Variants in MCTP2 observed in about 807,000 individuals in gnomAD.
The protein encoded by MCTP2 is multiple C2 and transmembrane domain containing 2.
Under a neutral mutation model 111.6 loss-of-function variants are expected in MCTP2, and 132 were observed. The observed-to-expected ratio is 1.18, with a 90% CI of 1.03 to 1.37. The LOEUF (loss-of-function observed/expected upper bound fraction) is 1.37, where lower values mean the gene tolerates loss of function less well. MCTP2 is among the 40% of genes most tolerant of loss of function. The pLI is 0.00. For missense variants in MCTP2, 1,183 were observed against 1,067.9 expected, an observed-to-expected ratio of 1.11 and a Z score of -1.50; for synonymous variants, 395 against 387.7, an observed-to-expected ratio of 1.02 and a Z score of -0.22.
chr15:94,411,953 G>A (rs1004703104), intron 17 of MCTP2, among the ~76,000 whole-genome samples: 3 of 151,936 alleles, frequency 2.0e-5, no homozygotes, highest in Middle Eastern at 6.3e-3. Flanking sequence ...TCATTGTCTG[G>A]GATGCTTCAT....
At chr15:94,404,179 G>GT (rs376761737) in intron 17 of MCTP2, among the ~76,000 whole-genome samples, 1,686 of 151,868 alleles carry the variant, frequency 0.011, 30 homozygotes, top group African/African-American at 0.038. Flanking sequence ...ATTAAAAGTT[G>GT]TTTTTTTATT....
rs555589694 is a variant in MCTP2, at chr15:94,298,339, A to G, written c.74A>G (p.Lys25Arg). Residue 25 changes from lysine to arginine, a missense_variant, in exon 2 of 23, where the codon AAG becomes AGG. Coordinates refer to ENST00000357742, the MANE Select transcript of MCTP2 (RefSeq NM_001385001.1). ...AGGCCATTGTTGATCAACTTGAGCA[A>G]GAAGAAGGTGAAAAAGAACCCAAGT... ...RTRPLLINLS[K>R]KKVKKNPSKP... The G allele has an allele frequency of 6.2e-7, 1 of 1,614,142 alleles. No homozygotes were observed. Among genetic ancestry groups the G allele is most frequent in the African/African-American group, 1.3e-5 (1 of 75,024 alleles).
intron 1 of MCTP2, among the ~76,000 whole-genome samples, chr15:94,245,187 CACAT>C (rs529532628): frequency 5.6e-4 from 81 of 143,488 alleles, no homozygotes; most frequent in African/African-American, 1.9e-3. Context: ...GATTTATACA[CACAT>C]ATGTATGTAT....
chr15:94,353,209 T>G (rs2078409726), intron 8 of MCTP2, among the ~76,000 whole-genome samples: 1 of 152,132 alleles, frequency 6.6e-6, no homozygotes, highest in Admixed American at 6.5e-5. Flanking sequence ...ATAAAAGCTT[T>G]GATGGAAAGT....
intron 14 of MCTP2, among the ~76,000 whole-genome samples, chr15:94,390,997 TG>T (rs2080932288): frequency 6.6e-6 from 1 of 152,178 alleles, no homozygotes; most frequent in African/African-American, 2.4e-5. Context: ...CCCAAAGTGC[TG>T]GGATTACAGG....
At chr15:94,337,832 C>T (rs930061916) in intron 4 of MCTP2, among the ~76,000 whole-genome samples, 3 of 151,816 alleles carry the variant, frequency 2.0e-5, no homozygotes, top group African/African-American at 7.3e-5. Flanking sequence ...AAAGTTAGTA[C>T]GCTTGCAGTA....
At chr15:94,431,553 T>C (rs2083184595) in intron 17 of MCTP2, among the ~76,000 whole-genome samples, 1 of 152,210 alleles carries the variant, frequency 6.6e-6, no homozygotes, top group South Asian at 2.1e-4. Context: ...TGCTTTGGTA[T>C]AGTGATATGT....
rs543545376 is a variant in MCTP2, at chr15:94,380,515, C to T, written c.1583-3507C>T. Among the ~76,000 whole-genome samples the T allele has an allele frequency of 1.2e-4, 18 of 152,258 alleles. No individual in the cohort carries two copies. The South Asian group carries it at 3.7e-3, about 32-fold the overall frequency. ...GGGCATGGTGGCTCATGCCTGTAATCCCAGCACTTTGGGAGGCTGAGGTGG... is the reference window on the plus strand; with the variant it reads ...GGGCATGGTGGCTCATGCCTGTAATTCCAGCACTTTGGGAGGCTGAGGTGG... On this transcript the variant is annotated intron_variant, in intron 12 of 22. Coordinates refer to ENST00000357742, the MANE Select transcript of MCTP2 (RefSeq NM_001385001.1).
intron 10 of MCTP2, among the ~76,000 whole-genome samples, chr15:94,367,402 G>A (rs2079246925): frequency 6.6e-6 from 1 of 151,742 alleles, no homozygotes; most frequent in Non-Finnish European, 1.5e-5. Flanking sequence ...TGATTTTCTG[G>A]ACCTCTTCCT....
intron 1 of MCTP2, among the ~76,000 whole-genome samples, chr15:94,292,244 G>A (rs1208938416): frequency 6.6e-6 from 1 of 151,522 alleles, no homozygotes; most frequent in Non-Finnish European, 1.5e-5. Flanking sequence ...GACTGAGGGG[G>A]AAAAAAAAGA....
intron 14 of MCTP2, among the ~76,000 whole-genome samples, chr15:94,389,918 G>A (rs2080774294): frequency 6.6e-6 from 1 of 151,524 alleles, no homozygotes; most frequent in Non-Finnish European, 1.5e-5. Flanking sequence ...TGTGCTAAGT[G>A]CATTTAAGCC....
chr15:94,294,364 A>T (rs1436367834), intron 1 of MCTP2, among the ~76,000 whole-genome samples: 2 of 152,236 alleles, frequency 1.3e-5, no homozygotes, highest in African/African-American at 4.8e-5. Context: ...ATGATTTCAA[A>T]AATAAAGTTG....
chr15:94,260,422 ACT>A lies in MCTP2; in HGVS notation c.-66+28763_-66+28764del, dbSNP rs1388815242. On this transcript the variant is annotated intron_variant, in intron 1 of 22. Transcript: ENST00000357742. ...CATTCTTTCCAGAGTGACAGTGCCA[ACT>A]CTCTTCTTCTTTCTGCCCTCTCGTC... Among the ~76,000 whole-genome samples, 6 of 151,440 alleles carry A rather than the reference ACT, an allele frequency of 4.0e-5. No homozygotes were observed. In the East Asian group the frequency reaches 9.7e-4, roughly 24 times the overall value.
chr15:94,245,617 CATGTAT>C (rs1440935275), intron 1 of MCTP2, among the ~76,000 whole-genome samples: 95 of 141,332 alleles, frequency 6.7e-4, no homozygotes, highest in East Asian at 2.9e-3. Context: ...TACATATGTA[CATGTAT>C]ATATACATAT....
chr15:94,383,901 G>A (rs2080300340), intron 12 of MCTP2, 121 bp from the exon 13 acceptor site: 1 of 701,272 alleles, frequency 1.4e-6, no homozygotes, highest in Admixed American at 2.2e-5. Flanking sequence ...ATGACTCATT[G>A]GAAAAGCAGT....
At chr15:94,390,360 C>T (rs2080882883) in intron 14 of MCTP2, among the ~76,000 whole-genome samples, 1 of 152,038 alleles carries the variant, frequency 6.6e-6, no homozygotes, top group Non-Finnish European at 1.5e-5. Flanking sequence ...ATCTTCTAAT[C>T]AGTAACACAA....
intron 1 of MCTP2, among the ~76,000 whole-genome samples, chr15:94,249,258 G>A (rs1024163581): frequency 1.3e-5 from 2 of 152,148 alleles, no homozygotes; most frequent in African/African-American, 2.4e-5. Flanking sequence ...TCCTGTATTG[G>A]CTGTTGAATA....
chr15:94,348,575 A>G, intron 8 of MCTP2, among the ~76,000 whole-genome samples: 1 of 144,708 alleles, frequency 6.9e-6, no homozygotes, highest in Non-Finnish European at 1.5e-5. Flanking sequence ...GTAGTCATAT[A>G]TCTTTGGGTT....
intron 1 of MCTP2, among the ~76,000 whole-genome samples, chr15:94,245,856 A>G (rs906197153): frequency 2.0e-5 from 3 of 151,976 alleles, no homozygotes; most frequent in South Asian, 2.1e-4. Flanking sequence ...TTGATCAGCT[A>G]TGATTTCACG....
Sources: allele counts gnomAD v4.1 joint callset (sites outside exome capture counted in the v4.1 genomes callset), GRCh38; gene constraint gnomAD v4.1.1; transcripts MANE v1.5; gene names NCBI Gene and HGNC (gene_info 2026-07-23, HGNC 2026-07-21).